ZBTB20: variants seen among roughly 807,000 people sequenced by gnomAD.
ZBTB20 encodes the protein zinc finger and BTB domain containing 20.
ZBTB20 carries 9 observed loss-of-function variants against 56.9 expected under a neutral mutation model. The ratio of observed to expected loss-of-function variants is 0.16; its 90% CI spans 0.10 to 0.28. ZBTB20 has a LOEUF of 0.28. Ranked by LOEUF, ZBTB20 falls within the 10% of genes least tolerant of loss-of-function variation. The probability of loss-of-function intolerance (pLI) is 1.00; values close to 1 mark genes in which losing one functional copy is unlikely to be tolerated. For missense variants in ZBTB20, 655 were observed against 1,003.0 expected (o/e 0.65, Z 4.69); for synonymous variants, 417 against 420.7 (o/e 0.99, Z 0.11).
chr3:114,759,039 G>A (rs1218301498), intron 5 of ZBTB20: 1 of 152,120 alleles, frequency 6.6e-6, no homozygotes, highest in Non-Finnish European at 1.5e-5. Flanking sequence ...TTATTTGCCA[G>A]TAAATACTCA....
intron 6 of ZBTB20, among the ~76,000 whole-genome samples, chr3:114,510,093 A>G (rs1004052283): frequency 2.0e-5 from 3 of 152,160 alleles, no homozygotes; most frequent in Admixed American, 6.6e-5. Context: ...TACTTTGGGG[A>G]AGAAATTATG....
intron 3 of ZBTB20, among the ~76,000 whole-genome samples, chr3:114,960,297 G>A (rs943792731): frequency 2.0e-5 from 3 of 152,210 alleles, no homozygotes; most frequent in African/African-American, 7.2e-5. Flanking sequence ...ATGTGAAGTG[G>A]AAATGATGAG....
intron 4 of ZBTB20, among the ~76,000 whole-genome samples, chr3:114,827,527 C>G (rs1047015268): frequency 9.9e-5 from 15 of 151,900 alleles, no homozygotes; most frequent in African/African-American, 3.6e-4. Context: ...TAGGTCTTAG[C>G]GCTTAAGCAT....
At chr3:114,414,101 A>G (rs2088264504) in intron 7 of ZBTB20, among the ~76,000 whole-genome samples, 1 of 152,294 alleles carries the variant, frequency 6.6e-6, no homozygotes, top group East Asian at 1.9e-4. Flanking sequence ...AGGGAACAAA[A>G]GAAGCAAACA....
At chr3:114,428,698 G>A (rs2089900345) in intron 7 of ZBTB20, among the ~76,000 whole-genome samples, 1 of 152,162 alleles carries the variant, frequency 6.6e-6, no homozygotes, top group African/African-American at 2.4e-5. Context: ...TTTCATTTGT[G>A]ATTCTTGCAT....
At chr3:114,805,645 T>C (rs909363883) in intron 4 of ZBTB20, among the ~76,000 whole-genome samples, 1 of 151,898 alleles carries the variant, frequency 6.6e-6, no homozygotes. Flanking sequence ...CAATCCACTC[T>C]TGTTATGTGT....
chr3:115,140,384 C>T (rs1432787407), intron 1 of ZBTB20, among the ~76,000 whole-genome samples: 1 of 152,026 alleles, frequency 6.6e-6, no homozygotes, highest in Non-Finnish European at 1.5e-5. Context: ...TAAGACGACA[C>T]ATTTAAAATA....
At chr3:114,512,770 C>A (rs1160812086) in intron 6 of ZBTB20, among the ~76,000 whole-genome samples, 1 of 151,910 alleles carries the variant, frequency 6.6e-6, no homozygotes, top group Non-Finnish European at 1.5e-5. Context: ...CATTTTTTTC[C>A]TTTCTTTTTT....
chr3:115,025,470 T>G (rs2080385208), intron 2 of ZBTB20, among the ~76,000 whole-genome samples: 1 of 151,156 alleles, frequency 6.6e-6, no homozygotes, highest in African/African-American at 2.4e-5. Context: ...TCTTTGATAT[T>G]ATTATGAAGA....
At chr3:114,806,533 T>C (rs955286954) in intron 4 of ZBTB20, among the ~76,000 whole-genome samples, 11 of 151,982 alleles carry the variant, frequency 7.2e-5, no homozygotes, top group Admixed American at 6.6e-4. Context: ...TGCAAATATT[T>C]TCGCCTGTCT....
At chr3:114,463,212 A>C (rs1416401664) in intron 7 of ZBTB20, among the ~76,000 whole-genome samples, 1 of 152,212 alleles carries the variant, frequency 6.6e-6, no homozygotes, top group East Asian at 1.9e-4. Flanking sequence ...AATGCTTTGT[A>C]AACTAAGAAT....
At chr3:114,376,015 G>A (rs2083577202) in intron 10 of ZBTB20, among the ~76,000 whole-genome samples, 1 of 152,204 alleles carries the variant, frequency 6.6e-6, no homozygotes, top group Non-Finnish European at 1.5e-5. Context: ...TACATGAAAT[G>A]CACATTTATT....
intron 2 of ZBTB20, among the ~76,000 whole-genome samples, chr3:114,993,126 A>G (rs1327870423): frequency 6.6e-6 from 1 of 152,018 alleles, no homozygotes; most frequent in Non-Finnish European, 1.5e-5. Context: ...CTGAAGATAT[A>G]TTAGTGAATA....
intron 6 of ZBTB20, among the ~76,000 whole-genome samples, chr3:114,508,094 A>G (rs936644488): frequency 6.6e-6 from 1 of 152,176 alleles, no homozygotes; most frequent in Non-Finnish European, 1.5e-5. Flanking sequence ...TTCCAATTAA[A>G]GAAAAAGTTT....
intron 1 of ZBTB20, among the ~76,000 whole-genome samples, chr3:115,146,530 C>G (rs1431956197): frequency 2.0e-5 from 3 of 152,156 alleles, no homozygotes. Flanking sequence ...TCCGAAGTGG[C>G]CCAAAGAAGA....
chr3:114,406,961 T>C (rs943754890), intron 7 of ZBTB20, among the ~76,000 whole-genome samples: 19 of 152,332 alleles, frequency 1.2e-4, no homozygotes, highest in Middle Eastern at 3.4e-3. Flanking sequence ...TTTTTTTCTA[T>C]GATACAGGGT....
intron 5 of ZBTB20, among the ~76,000 whole-genome samples, chr3:114,697,274 C>T (rs760267063): frequency 6.6e-6 from 1 of 151,946 alleles, no homozygotes; most frequent in Non-Finnish European, 1.5e-5. Flanking sequence ...AAATTCATTT[C>T]ATACTTTAAA....
rs1370334299 is a variant in ZBTB20, at chr3:114,333,397, T to C, written c.*5608A>G. ...TTGAAAGTTTGCCCCATGTAATCTA[T>C]TTCCTGGCTACCTAAGAGAACAGCC... On this transcript the variant is annotated 3_prime_UTR_variant, in exon 12 of 12. Coordinates refer to ENST00000675478, the MANE Select transcript of ZBTB20 (RefSeq NM_001348800.3). 6.6e-6 allele frequency: 1 copy of C among 152,206 alleles called. No homozygotes were observed. Among genetic ancestry groups the C allele is most frequent in the Non-Finnish European group, 1.5e-5 (1 of 68,064 alleles). 9.4% of individuals were successfully genotyped at this position (152,206 alleles called of 1,614,324 possible).
At chr3:115,140,701 T>C (rs1246963348) in intron 1 of ZBTB20, among the ~76,000 whole-genome samples, 1 of 152,156 alleles carries the variant, frequency 6.6e-6, no homozygotes, top group Non-Finnish European at 1.5e-5. Flanking sequence ...AGCAGTGAAA[T>C]ACAAATACAT....
Sources: allele counts gnomAD v4.1 joint callset (sites outside exome capture counted in the v4.1 genomes callset), GRCh38; gene constraint gnomAD v4.1.1; transcripts MANE v1.5; gene names NCBI Gene and HGNC (gene_info 2026-07-23, HGNC 2026-07-21).